The following ANKRD40 variants were observed in gnomAD, a reference collection of about 807,000 sequenced individuals.
The protein encoded by ANKRD40 is ankyrin repeat domain-containing protein 40.
A neutral mutation model predicts 35.5 loss-of-function variants in ANKRD40; 24 were observed. The observed-to-expected ratio is 0.68, with a 90% confidence interval of 0.49 to 0.95. ANKRD40 has a LOEUF of 0.95. ANKRD40 is among the 40% of genes least tolerant of loss of function. ANKRD40 has a pLI of 0.00. For synonymous variants in ANKRD40, 147 were observed against 173.5 expected, an observed-to-expected ratio of 0.85 and a Z score of 1.20; for missense variants, 361 against 436.0, an observed-to-expected ratio of 0.83 and a Z score of 1.53.
In ANKRD40 at chr17:50,707,268, G is replaced by A. The variant is rs2146661928; in HGVS notation, c.134+253C>T. ...CAAGTGAGCCGGGAGCGCGGGGGAA[G>A]GGGGTAGGGCACCAGAGTCCCAGTG... On this transcript the variant is annotated intron_variant, in intron 1 of 4. Transcript: ENST00000285243. This position sits in a 1 kb window ranked among gnomAD's most constrained non-coding sequence, Gnocchi z 4.8. Among the ~76,000 whole-genome samples the A allele has an allele frequency of 6.6e-6, 1 of 152,302 alleles. No individual in the cohort carries two copies. Among genetic ancestry groups the A allele is most frequent in the East Asian group, 1.9e-4 (1 of 5,174 alleles).
chr17:50,705,660 C>CTTTT (rs901114991), intron 1 of ANKRD40, among the ~76,000 whole-genome samples: 1 of 127,182 alleles, frequency 7.9e-6, no homozygotes, highest in Non-Finnish European at 1.7e-5. Context: ...GGAAGATAGA[C>CTTTT]TTTTTTTTTT....
intron 1 of ANKRD40, among the ~76,000 whole-genome samples, chr17:50,705,219 A>G (rs992430298): frequency 2.0e-5 from 3 of 152,118 alleles, no homozygotes; most frequent in African/African-American, 7.2e-5. Flanking sequence ...AGGGCTCACA[A>G]TACTCTTCTG....
chr17:50,702,665 T>C (rs1968285455), intron 1 of ANKRD40, among the ~76,000 whole-genome samples: 1 of 152,144 alleles, frequency 6.6e-6, no homozygotes, highest in Non-Finnish European at 1.5e-5. Flanking sequence ...CGTGGCAAGC[T>C]TGAGAGTAAA....
Position 50,697,120 on chromosome 17 carries a change from C to A in ANKRD40, c.780G>T (p.Glu260Asp). 6.2e-7 allele frequency: 1 copy of A among 1,605,132 alleles called. No individual in the cohort carries two copies. Among genetic ancestry groups the A allele is most frequent in the Admixed American group, 1.7e-5 (1 of 57,336 alleles). ...FTGAFPFNMQ[E>D]LVLKVRIQNP... ...TCTGAATTCTCACCTTGAGTACCAG[C>A]TCTAGAAAAAAAAGGAGAAATGTTA... is the stretch of plus-strand genomic sequence containing the variant. Residue 260 changes from glutamate (E) to aspartate (D), a missense_variant and splice_region_variant, in exon 4 of 5, where the codon GAG becomes GAT. Around this residue, in one of 5 missense-constraint regions of ANKRD40, gnomAD observed 93 missense variants for 129.6 expected, o/e 0.72. Coordinates refer to ENST00000285243, the MANE Select transcript of ANKRD40 (RefSeq NM_052855.4).
At chr17:50,702,604 T>C (rs930006809) in intron 1 of ANKRD40, among the ~76,000 whole-genome samples, 2 of 152,206 alleles carry the variant, frequency 1.3e-5, no homozygotes, top group Admixed American at 6.5e-5. Context: ...GAGAAAAATA[T>C]GCTCCCTTTT....
chr17:50,696,890 G>C (rs1597866552), intron 4 of ANKRD40, 50 bp downstream of exon 4: 1 of 1,506,746 alleles, frequency 6.6e-7, no homozygotes, highest in Non-Finnish European at 8.9e-7. Flanking sequence ...GAGGGGGCTA[G>C]GTATTTTTCA....
intron 1 of ANKRD40, among the ~76,000 whole-genome samples, chr17:50,702,877 T>C (rs1239666988): frequency 2.0e-5 from 3 of 152,238 alleles, no homozygotes; most frequent in African/African-American, 7.2e-5. Flanking sequence ...TATTTTCAAG[T>C]TCTTCATGAA....
intron 1 of ANKRD40, among the ~76,000 whole-genome samples, chr17:50,702,363 G>A (rs1219510923): frequency 4.6e-5 from 7 of 151,644 alleles, no homozygotes; most frequent in African/African-American, 7.3e-5. Context: ...TTGTGCCACT[G>A]CACTTCAGCC....
intron 1 of ANKRD40, among the ~76,000 whole-genome samples, chr17:50,706,816 A>G (rs1219413265): frequency 2.1e-5 from 3 of 142,024 alleles, no homozygotes; most frequent in Non-Finnish European, 4.5e-5. Flanking sequence ...TGGCAGGAGG[A>G]TCACCTGAGC....
rs770610835 is a variant in ANKRD40 at position 50,697,082 on chromosome 17, C to T, written c.818G>A (p.Arg273Gln). 7.4e-6 allele frequency: 12 copies of T among 1,613,574 alleles called. No homozygotes were observed. The highest frequency in any genetic ancestry group is 4.4e-5 in the South Asian group (4 of 90,964). Reference sequence around the variant, plus strand: ...TTCAATTTCAATGAAATCATTTTCTCGAAGAGATGGGTTCTGAATTCTCAC... The same window carrying T: ...TTCAATTTCAATGAAATCATTTTCTTGAAGAGATGGGTTCTGAATTCTCAC... ...LKVRIQNPSLRENDFIEIELD... is the reference protein window; with the variant it reads ...LKVRIQNPSLQENDFIEIELD... The change falls in exon 4 of 5, where the codon CGA becomes CAA. Residue 273 changes from arginine (R) to glutamine (Q), a missense_variant. This residue lies in a region of ANKRD40 where 93 missense variants were observed against 129.6 expected (regional missense o/e 0.72). Coordinates refer to ENST00000285243, the MANE Select transcript of ANKRD40 (RefSeq NM_052855.4).
intron 3 of ANKRD40, among the ~76,000 whole-genome samples, chr17:50,698,518 C>A (rs751655768): frequency 6.6e-6 from 1 of 151,876 alleles, no homozygotes; most frequent in Non-Finnish European, 1.5e-5. Context: ...AAATAATTGG[C>A]CTGGACTCTT....
At chr17:50,700,797 A>C (rs1029851112) in intron 1 of ANKRD40, 81 bp from the exon 2 acceptor site, 1 of 1,378,928 alleles carries the variant, frequency 7.3e-7, no homozygotes, top group African/African-American at 1.4e-5. Flanking sequence ...AATAATGTAT[A>C]AACAAGCCTG....
At chr17:50,700,537 A>T (rs1968259870) in intron 2 of ANKRD40, 31 bp downstream of exon 2, 1 of 1,610,852 alleles carries the variant, frequency 6.2e-7, no homozygotes, top group Admixed American at 1.7e-5. Context: ...GAGTCTGAGG[A>T]AATCAAAAGT....
intron 1 of ANKRD40, among the ~76,000 whole-genome samples, chr17:50,702,583 T>C (rs1488696871): frequency 6.6e-6 from 1 of 152,134 alleles, no homozygotes; most frequent in East Asian, 1.9e-4. Flanking sequence ...CAAAAATGAA[T>C]GAAGCATGAT....
chr17:50,704,086 G>C (rs892920897), intron 1 of ANKRD40, among the ~76,000 whole-genome samples: 3 of 151,918 alleles, frequency 2.0e-5, no homozygotes, highest in Non-Finnish European at 4.4e-5. Context: ...GGTGCCAAGG[G>C]TTCTGGCCTG....
Position 50,696,049 on chromosome 17 carries a change from G to A in ANKRD40, c.1055C>T (p.Thr352Ile), listed in dbSNP as rs1265789382. 2 of 1,614,232 alleles carry A rather than the reference G, an allele frequency of 1.2e-6. No individual in the cohort carries two copies. Among genetic ancestry groups the A allele is most frequent in the African/African-American group, 2.7e-5 (2 of 75,064 alleles). ...GTTATAGCAAGGCCTTTCAGTCAGT[G>A]TGGATGCAGCATTTCTGAACAGAAA... ...NNFLFRNAAS[T>I]LTERPCYNRR... The change falls in exon 5 of 5, where the codon ACA (threonine) becomes ATA (isoleucine). Residue 352 changes from threonine (T) to isoleucine (I), a missense_variant. Physicochemically the swap from Thr to Ile is moderately conservative, Grantham distance 89. Transcript: ENST00000285243.
chr17:50,700,480 T>C (rs1456552145), intron 2 of ANKRD40, 88 bp downstream of exon 2: 1 of 1,371,746 alleles, frequency 7.3e-7, no homozygotes, highest in Non-Finnish European at 9.9e-7. Flanking sequence ...AGAGCAGTTG[T>C]TTGACCAGCA....
At chr17:50,698,106 G>A (rs1230636703) in intron 3 of ANKRD40, among the ~76,000 whole-genome samples, 1 of 151,870 alleles carries the variant, frequency 6.6e-6, no homozygotes, top group Non-Finnish European at 1.5e-5. Flanking sequence ...TACCATTCTC[G>A]GTGGGCCCAA....
intron 1 of ANKRD40, among the ~76,000 whole-genome samples, chr17:50,705,264 C>A (rs978199056): frequency 6.6e-5 from 10 of 152,052 alleles, no homozygotes; most frequent in Non-Finnish European, 7.4e-5. Context: ...CAGGCAAAGT[C>A]CCATAGCTAG....
Sources: allele counts gnomAD v4.1 joint callset (sites outside exome capture counted in the v4.1 genomes callset), GRCh38; gene constraint gnomAD v4.1.1; regional missense constraint gnomAD v4.1.1; non-coding constraint Gnocchi (gnomAD v3.1); transcripts MANE v1.5; gene names NCBI Gene and HGNC (gene_info 2026-07-23, HGNC 2026-07-21).